MCRS1: variants seen among roughly 807,000 people sequenced by gnomAD.
MCRS1 encodes 58 kDa microspherule protein.
MCRS1 carries 22 observed loss-of-function variants against 62.9 expected under a neutral mutation model. That is an observed-to-expected ratio of 0.35 (90% CI 0.25 to 0.50). The LOEUF (loss-of-function observed/expected upper bound fraction) is 0.50. Ranked by LOEUF, MCRS1 falls within the 20% of genes least tolerant of loss-of-function variation. The pLI, the probability that MCRS1 is intolerant of heterozygous loss-of-function variation, is 0.98. For missense variants in MCRS1, 456 were observed against 601.1 expected (o/e 0.76, Z 2.52); for synonymous variants, 244 against 233.5 (o/e 1.04, Z -0.41).
intron 3 of MCRS1, 104 bp from the exon 4 acceptor site, chr12:49,565,771 G>A (rs932108751): frequency 6.6e-7 from 1 of 1,506,142 alleles, no homozygotes; most frequent in Non-Finnish European, 9.2e-7. Flanking sequence ...GGTGCTATCT[G>A]CTCCAGCCTG....
In MCRS1 at chr12:49,565,679, C is replaced by T; in HGVS notation, c.150-12G>A. 3 of 1,614,050 alleles carry T rather than the reference C, an allele frequency of 1.9e-6. No homozygotes were observed. The highest frequency in any genetic ancestry group is 2.5e-6 in the Non-Finnish European group (3 of 1,179,974). ...TCCTCTTGATGAACCTGTAAAGGGT[C>T]CTGCCCAGTGAACACTCCTTACCCC... is the stretch of plus-strand genomic sequence containing the variant. On this transcript the variant is annotated splice_polypyrimidine_tract_variant and intron_variant, in intron 3 of 14. Transcript: ENST00000343810.
rs934764944 is a variant in MCRS1, at chr12:49,560,355, T to C, written c.821A>G (p.Lys274Arg). The change falls in exon 9 of 15, where the codon AAA becomes AGA. Residue 274 changes from lysine to arginine, a missense_variant. Lys to Arg is a conservative substitution (Grantham distance 26). This residue lies in a region of MCRS1 where 393 missense variants were observed against 523.5 expected (regional missense o/e 0.75). Coordinates refer to ENST00000343810, the MANE Select transcript of MCRS1 (RefSeq NM_006337.5). ...AGAGAAGTTCAGCACTTGGTCCCCTTTGGGCAGCGGCTGCACTGAACAAAG... is the reference window on the plus strand; with the variant it reads ...AGAGAAGTTCAGCACTTGGTCCCCTCTGGGCAGCGGCTGCACTGAACAAAG... ...LEDQTVQPLP[K>R]GDQVLNFSDA... is the part of the protein sequence containing the mutation. 3 of 1,614,218 alleles carry C rather than the reference T, an allele frequency of 1.9e-6. No homozygotes were observed. The highest frequency in any genetic ancestry group is 1.3e-5 in the African/African-American group (1 of 75,066).
At position 49,558,991 on chromosome 12, in the gene MCRS1, AAGGGATGATGGGATGGGG is replaced by A. The variant is rs376853171; in HGVS notation, c.1175-39_1175-22del. The A allele has an allele frequency of 2.9e-3, 4,654 of 1,609,994 alleles. 123 individuals carry two copies. The African/African-American group carries it at 0.052, about 18-fold the overall frequency. On this transcript the variant is annotated intron_variant, in intron 13 of 14. Transcript: ENST00000343810. ...GACACCTGTGGAAGCAGAAAGAAAG[AAGGGATGATGGGATGGGG>A]AGGGATTGATGGGATGGGGAAAGGC...
intron 6 of MCRS1, among the ~76,000 whole-genome samples, chr12:49,564,274 T>C (rs1406600323): frequency 2.0e-5 from 3 of 152,322 alleles, no homozygotes; most frequent in Non-Finnish European, 2.9e-5. Context: ...TCTCCCATGC[T>C]ATTCCCTCTG....
rs546872598 is a variant in MCRS1, at chr12:49,566,678, C to T, written c.10+44G>A. 7.3e-5 allele frequency: 117 copies of T among 1,613,538 alleles called. 2 individuals carry two copies. In the South Asian group the frequency reaches 1.2e-3, roughly 16 times the overall value. ...AGGCACAGAGTGGAATCAGCAGATG[C>T]TTGGCGCCCGAGCATTTGGGGAGCT... is the stretch of plus-strand genomic sequence containing the variant. On this transcript the variant is annotated intron_variant, in intron 2 of 14. Coordinates refer to ENST00000343810, the MANE Select transcript of MCRS1 (RefSeq NM_006337.5).
chr12:49,565,826 C>T, intron 3 of MCRS1, 159 bp from the exon 4 acceptor site: 1 of 1,158,666 alleles, frequency 8.6e-7, no homozygotes, highest in Non-Finnish European at 1.2e-6. Context: ...GGAACTGCTA[C>T]ACTCCAGCCC....
chr12:49,566,555 G>C, intron 2 of MCRS1, 167 bp downstream of exon 2: 2 of 1,476,964 alleles, frequency 1.4e-6, no homozygotes, highest in Non-Finnish European at 1.9e-6. Flanking sequence ...CAGCTCAACA[G>C]CAAGTCAGTC....
chr12:49,567,423 C>T (rs1206907692), intron 1 of MCRS1, among the ~76,000 whole-genome samples: 1 of 152,004 alleles, frequency 6.6e-6, no homozygotes, highest in Non-Finnish European at 1.5e-5. Context: ...TGTGCCCCAA[C>T]AACCCCTAGA....
intron 7 of MCRS1, 136 bp from the exon 8 acceptor site, chr12:49,563,275 G>T: frequency 1.4e-6 from 2 of 1,438,106 alleles, no homozygotes; most frequent in Non-Finnish European, 1.9e-6. Flanking sequence ...GTCAGGCTTG[G>T]CTCTTCCTGA....
chr12:49,565,707 C>G (rs551536259), intron 3 of MCRS1, 40 bp from the exon 4 acceptor site: 29 of 1,613,900 alleles, frequency 1.8e-5, no homozygotes, highest in Non-Finnish European at 2.4e-5. Flanking sequence ...CTTACCCCAC[C>G]CTGGTACCCA....
Position 49,565,583 on chromosome 12 carries a change from C to T in MCRS1, c.234G>A (p.Gly78=), listed in dbSNP as rs764656040. The T allele has an allele frequency of 3.1e-6, 5 of 1,612,674 alleles. No individual in the cohort carries two copies. In the East Asian group the frequency reaches 1.1e-4, roughly 36 times the overall value. Residue 78 remains glycine (G), a synonymous_variant, in exon 4 of 15, where the codon GGG becomes GGA. Coordinates refer to ENST00000343810, the MANE Select transcript of MCRS1 (RefSeq NM_006337.5). ...KSSTRAKGAS[G]VEPGRCSGSE... ...TCCCCGAACAGCGCCCTGGTTCCAC[C>T]CCACTGGCCCCCTTTGCCCGGGTAG...
intron 1 of MCRS1, 109 bp downstream of exon 1, chr12:49,567,939 G>A (rs1374743958): frequency 6.6e-6 from 1 of 152,242 alleles, no homozygotes; most frequent in Non-Finnish European, 1.5e-5. Flanking sequence ...GGCGCCACTG[G>A]GGCGGGGCCC....
In MCRS1 at chr12:49,566,544, G is replaced by A; in HGVS notation, c.10+178C>T. ...CAAAATGCAGCCGTGCTAAAGAGCAGCAGCTCAACAGCAAGTCAGTCAACT... is the reference window on the plus strand; with the variant it reads ...CAAAATGCAGCCGTGCTAAAGAGCAACAGCTCAACAGCAAGTCAGTCAACT... On this transcript the variant is annotated intron_variant, in intron 2 of 14. Transcript: ENST00000343810. 8 of 1,484,378 alleles carry A rather than the reference G, an allele frequency of 5.4e-6. No individual in the cohort carries two copies. The South Asian group carries it at 8.5e-5, about 16-fold the overall frequency. The allele number at this position is 1,484,378 out of a possible 1,614,324, so 92.0% of individuals were successfully genotyped here.
At chr12:49,562,570 A>G (rs1427582638) in intron 8 of MCRS1, among the ~76,000 whole-genome samples, 2 of 152,226 alleles carry the variant, frequency 1.3e-5, no homozygotes, top group East Asian at 1.9e-4. Context: ...AGAGGCAAAG[A>G]GCGGAAAAGC....
rs772875178 is a variant in MCRS1 at position 49,559,700 on chromosome 12, T to C, written c.1003+29A>G. The C allele has an allele frequency of 6.2e-7, 1 of 1,612,128 alleles. No homozygotes were observed. The highest frequency in any genetic ancestry group is 1.1e-5 in the South Asian group (1 of 90,980). ...GGCTGGGGCGAAGGATGCTGAAGAG[T>C]GAGCCTTCTGGTGCCCAGGCCTCCT... On this transcript the variant is annotated intron_variant, in intron 11 of 14. Coordinates refer to ENST00000343810, the MANE Select transcript of MCRS1 (RefSeq NM_006337.5). The surrounding 1 kb of genome is among the most constrained non-coding windows in gnomAD (Gnocchi z 5.2).
At position 49,564,726 on chromosome 12, in the gene MCRS1, G is replaced by T. The variant is rs755747854; in HGVS notation, c.447+11C>A. On this transcript the variant is annotated intron_variant, in intron 5 of 14. Coordinates refer to ENST00000343810, the MANE Select transcript of MCRS1 (RefSeq NM_006337.5). ...GAAAGGGGCACACTGAGCCTATGGT[G>T]GGGGCACTACCTGCAACACAGCATT... 5.0e-6 allele frequency: 8 copies of T among 1,606,640 alleles called. No homozygotes were observed. Among genetic ancestry groups the T allele is most frequent in the Non-Finnish European group, 2.6e-6 (3 of 1,175,264 alleles).
At position 49,564,807 on chromosome 12, in the gene MCRS1, A is replaced by C; in HGVS notation, c.377T>G (p.Leu126Arg). 6.2e-7 allele frequency: 1 copy of C among 1,614,100 alleles called. No homozygotes were observed. Among genetic ancestry groups the C allele is most frequent in the East Asian group, 2.2e-5 (1 of 44,880 alleles). Reference sequence around the variant, plus strand: ...GCGGCCCAGATCCTTGGTCACCTGAAGTGGCTGTTTACTCTTCTTCACACG... The same window carrying C: ...GCGGCCCAGATCCTTGGTCACCTGACGTGGCTGTTTACTCTTCTTCACACG... ...TKRVKKSKQP[L>R]QVTKDLGRWK... Residue 126 changes from leucine (L) to arginine (R), a missense_variant, in exon 5 of 15, where the codon CTT becomes CGT. Physicochemically the swap from Leu to Arg is moderately radical, Grantham distance 102. This residue lies in a region of MCRS1 where 393 missense variants were observed against 523.5 expected (regional missense o/e 0.75). Coordinates refer to ENST00000343810, the MANE Select transcript of MCRS1 (RefSeq NM_006337.5).
rs759937113 is a variant in MCRS1 at position 49,558,682 on chromosome 12, G to A, written c.1350C>T (p.Ala450=). 3 of 1,613,820 alleles carry A rather than the reference G, an allele frequency of 1.9e-6. No homozygotes were observed. Among genetic ancestry groups the A allele is most frequent in the Admixed American group, 1.7e-5 (1 of 60,020 alleles). Residue 450 remains alanine (A), a synonymous_variant, in exon 15 of 15, where the codon GCC becomes GCT. Coordinates refer to ENST00000343810, the MANE Select transcript of MCRS1 (RefSeq NM_006337.5). ...TCTTGGCAGCCTCAGCCCTGATGAG[G>A]GCAATGAGGTCCTGGTTGATAAGGA... ...FVFLINQDLI[A]LIRAEAAKIT...
intron 1 of MCRS1, 137 bp from the exon 2 acceptor site, chr12:49,566,978 T>C: frequency 1.8e-6 from 1 of 569,162 alleles, no homozygotes; most frequent in Non-Finnish European, 3.1e-6. Context: ...AAGGCCCCAC[T>C]CTGCCAATAA....
Sources: allele counts gnomAD v4.1 joint callset (sites outside exome capture counted in the v4.1 genomes callset), GRCh38; gene constraint gnomAD v4.1.1; regional missense constraint gnomAD v4.1.1; non-coding constraint Gnocchi (gnomAD v3.1); transcripts MANE v1.5; gene names NCBI Gene and HGNC (gene_info 2026-07-23, HGNC 2026-07-21).